Variants in ITGA7 observed in about 807,000 individuals in gnomAD.
ITGA7 encodes the protein integrin alpha-7.
Under a neutral mutation model 131.6 loss-of-function variants are expected in ITGA7, and 84 were observed. The ratio of observed to expected loss-of-function variants is 0.64; its 90% CI spans 0.54 to 0.77. The LOEUF is 0.77. Ranked by LOEUF, ITGA7 falls within the 30% of genes least tolerant of loss-of-function variation. The pLI, the probability that ITGA7 is intolerant of heterozygous loss-of-function variation, is 0.00. For missense variants in ITGA7, 1,399 were observed against 1,482.9 expected, an observed-to-expected ratio of 0.94 and a Z score of 0.93; for synonymous variants, 548 against 600.7, an observed-to-expected ratio of 0.91 and a Z score of 1.28.
At position 55,697,524 on chromosome 12, in the gene ITGA7, A is replaced by C; in HGVS notation, c.1432T>G (p.Ser478Ala). Residue 478 changes from serine (S) to alanine (A), a missense_variant, in exon 10 of 25, where the codon TCC (serine) becomes GCC (alanine). Physicochemically the swap from Ser to Ala is moderately conservative, Grantham distance 99 (BLOSUM62 1). Coordinates refer to ENST00000257879, the MANE Select transcript of ITGA7 (RefSeq NM_002206.3). ...CGTGGAGCAATAGAGACCTCATGGG[A>C]GACATGGAGGATGGGTCTGGCCCTG... ...LFRARPILHVSHEVSIAPRSI... is the reference protein window; with the variant it reads ...LFRARPILHVAHEVSIAPRSI... 1 of 1,613,996 alleles carries C rather than the reference A, an allele frequency of 6.2e-7. No homozygotes were observed. Among genetic ancestry groups the C allele is most frequent in the South Asian group, 1.1e-5 (1 of 91,082 alleles).
chr12:55,703,153 G>A lies in ITGA7; in HGVS notation c.232C>T (p.Leu78=). The A allele has an allele frequency of 6.2e-7, 1 of 1,611,900 alleles. No homozygotes were observed. Among genetic ancestry groups the A allele is most frequent in the Non-Finnish European group, 8.5e-7 (1 of 1,179,978 alleles). ...TTCGCCTGCTGCCCAGGAAGAGCCAGGGCCTGGGGAGCACCCACCAGCAGC... is the reference window on the plus strand; with the variant it reads ...TTCGCCTGCTGCCCAGGAAGAGCCAAGGCCTGGGGAGCACCCACCAGCAGC... The part of the protein sequence containing the change: ...SWLLVGAPQA[L]ALPGQQANRT... Residue 78 remains leucine (L), a synonymous_variant, in exon 2 of 25, where the codon CTG becomes TTG. Coordinates refer to ENST00000257879, the MANE Select transcript of ITGA7 (RefSeq NM_002206.3).
At position 55,698,452 on chromosome 12, in the gene ITGA7, C is replaced by T. The variant is rs529805698; in HGVS notation, c.1123G>A (p.Gly375Ser). The T allele has an allele frequency of 5.0e-6, 8 of 1,613,570 alleles. No individual in the cohort carries two copies. Among genetic ancestry groups the T allele is most frequent in the East Asian group, 4.5e-5 (2 of 44,844 alleles). ...WAGISPLRLC[G>S]SPDSMFGISL... is the part of the protein sequence containing the mutation. Reference sequence around the variant, plus strand: ...ATCCCGAACATGGAGTCAGGGGAGCCGCAGAGCCGGAGAGGGGAGATCCCA... The same window carrying T: ...ATCCCGAACATGGAGTCAGGGGAGCTGCAGAGCCGGAGAGGGGAGATCCCA... The change falls in exon 7 of 25, where the codon GGC becomes AGC. Residue 375 changes from glycine (G) to serine (S), a missense_variant. Transcript: ENST00000257879.
intron 3 of ITGA7, among the ~76,000 whole-genome samples, chr12:55,702,028 G>T (rs1038346904): frequency 1.3e-5 from 2 of 152,036 alleles, no homozygotes; most frequent in African/African-American, 4.8e-5. Flanking sequence ...TGTTTGGTTG[G>T]TTTTGAGACG....
chr12:55,692,710 GCAC>G, intron 21 of ITGA7, 131 bp downstream of exon 21: 1 of 1,175,964 alleles, frequency 8.5e-7, no homozygotes, highest in Non-Finnish European at 1.2e-6. Flanking sequence ...TGCCTCCCGG[GCAC>G]CCCCTCCTAT....
rs577150899 is a variant in ITGA7, at chr12:55,697,735, G to C, written c.1369C>G (p.Leu457Val). 3 of 1,614,154 alleles carry C rather than the reference G, an allele frequency of 1.9e-6. No individual in the cohort carries two copies. Among genetic ancestry groups the C allele is most frequent in the South Asian group, 2.2e-5 (2 of 91,082 alleles). Residue 457 changes from leucine (L) to valine (V), a missense_variant, in exon 9 of 25, where the codon CTG becomes GTG. Physicochemically the swap from Leu to Val is conservative, Grantham distance 32. Coordinates refer to ENST00000257879, the MANE Select transcript of ITGA7 (RefSeq NM_002206.3). ...LDMDGNQYPD[L>V]LVGSLADTAV... ...GTGTCAGCCAGGGAGCCCACCAGCA[G>C]GTCAGGGTATTGGTTCCCATCCATA...
intron 3 of ITGA7, among the ~76,000 whole-genome samples, chr12:55,701,867 T>C (rs374664887): frequency 6.6e-6 from 1 of 152,220 alleles, no homozygotes; most frequent in Non-Finnish European, 1.5e-5. Context: ...ACTCCTCCTT[T>C]GGACTTTTAT....
At chr12:55,713,399 G>T (rs1033995541), upstream of ITGA7, among the ~76,000 whole-genome samples, 1 of 152,196 alleles carries the variant, frequency 6.6e-6, no homozygotes, top group African/African-American at 2.4e-5. Context: ...AGTGCTCTGG[G>T]TCTACCCTCC....
Position 55,698,560 on chromosome 12 carries a change from C to T in ITGA7, c.1015G>A (p.Val339Met), listed in dbSNP as rs1231175757. Residue 339 changes from valine to methionine, a missense_variant, in exon 7 of 25, where the codon GTG becomes ATG. By Grantham distance (21) the Val-to-Met change is conservative. Coordinates refer to ENST00000257879, the MANE Select transcript of ITGA7 (RefSeq NM_002206.3). ...LNSDGWPDLI[V>M]GAPYFFERQE... ...CGCTCAAAGAAGTAGGGGGCACCCA[C>T]TATCAGGTCTGGCCAGCTATGGAGA... is the stretch of plus-strand genomic sequence containing the variant. The T allele has an allele frequency of 6.2e-7, 1 of 1,614,174 alleles. No homozygotes were observed. The highest frequency in any genetic ancestry group is 1.7e-5 in the Admixed American group (1 of 60,022).
chr12:55,713,500 T>C (rs762974119), upstream of ITGA7, among the ~76,000 whole-genome samples: 2 of 152,366 alleles, frequency 1.3e-5, no homozygotes, highest in Non-Finnish European at 2.9e-5. Context: ...GCTCTACCAC[T>C]AATGAACTCT....
chr12:55,700,250 A>G (rs1342094403), intron 4 of ITGA7: 1 of 1,597,366 alleles, frequency 6.3e-7, no homozygotes, highest in East Asian at 2.2e-5. Context: ...TGGGCCGGGG[A>G]GAGGTCCCTA....
At chr12:55,707,994 C>G, upstream of ITGA7, 2 of 1,251,364 alleles carry the variant, frequency 1.6e-6, no homozygotes, top group Non-Finnish European at 2.0e-6. Flanking sequence ...GACCCAAGCC[C>G]GTCTCCAAGG....
chr12:55,708,667 T>G (rs1875722815), upstream of ITGA7, among the ~76,000 whole-genome samples: 1 of 151,596 alleles, frequency 6.6e-6, no homozygotes, highest in African/African-American at 2.4e-5. Context: ...AATTAAGCAG[T>G]GGGGAGGGGA....
rs368130279 is a variant in ITGA7 at position 55,701,052 on chromosome 12, G to C, written c.517C>G (p.Arg173Gly). The change falls in exon 4 of 25, where the codon CGG (arginine) becomes GGG (glycine). Residue 173 changes from arginine (R) to glycine (G), a missense_variant. Coordinates refer to ENST00000257879, the MANE Select transcript of ITGA7 (RefSeq NM_002206.3). ...CATTCCCCACCATCCAACTCATCCC[G>C]GATGGCCAGGTCCTGGCTGAGCACA... ...CFVLSQDLAI[R>G]DELDGGEWKF... is the part of the protein sequence containing the mutation. 4 of 1,614,198 alleles carry C rather than the reference G, an allele frequency of 2.5e-6. No homozygotes were observed. Among genetic ancestry groups the C allele is most frequent in the Non-Finnish European group, 3.4e-6 (4 of 1,180,030 alleles).
rs765699625 is a variant in ITGA7, at chr12:55,707,692, C to A, written c.-10G>T. On this transcript the variant is annotated 5_prime_UTR_variant, in exon 1 of 25. Coordinates refer to ENST00000257879, the MANE Select transcript of ITGA7 (RefSeq NM_002206.3). Reference sequence around the variant, plus strand: ...TCCGAGCCCCGGCCATGGGACGATCCCTGCGCGAGCTCCCAGCGAATGCAA... The same window carrying A: ...TCCGAGCCCCGGCCATGGGACGATCACTGCGCGAGCTCCCAGCGAATGCAA... 9.0e-6 allele frequency: 14 copies of A among 1,562,762 alleles called. No individual in the cohort carries two copies. The highest frequency in any genetic ancestry group is 1.7e-4 in the Middle Eastern group (1 of 6,018).
In ITGA7 at chr12:55,707,674, C is replaced by T; in HGVS notation, c.9G>A (p.Gly3=). The T allele has an allele frequency of 6.3e-7, 1 of 1,575,384 alleles. No individual in the cohort carries two copies. The highest frequency in any genetic ancestry group is 8.6e-7 in the Non-Finnish European group (1 of 1,160,246). ...CCCCCCAAGGGTCGCGGCTCCGAGC[C>T]CCGGCCATGGGACGATCCCTGCGCG... MA[G]ARSRDPWGAS... The change falls in exon 1 of 25, where the codon GGG becomes GGA. Residue 3 remains glycine, a synonymous_variant. Coordinates refer to ENST00000257879, the MANE Select transcript of ITGA7 (RefSeq NM_002206.3).
chr12:55,693,795 C>T (rs1018919690), intron 19 of ITGA7, among the ~76,000 whole-genome samples: 1 of 152,120 alleles, frequency 6.6e-6, no homozygotes, highest in South Asian at 2.1e-4. Flanking sequence ...CTCTCATGGC[C>T]TACCACACCA....
chr12:55,693,994 TGGA>T (rs766507562), intron 19 of ITGA7, 24 bp downstream of exon 19: 1 of 1,571,112 alleles, frequency 6.4e-7, no homozygotes, highest in Non-Finnish European at 8.7e-7. Flanking sequence ...AGGGTGACCA[TGGA>T]GGGGCCTCAT....
chr12:55,695,029 G>A (rs1173319646), intron 14 of ITGA7, 59 bp from the exon 15 acceptor site: 180 of 1,509,214 alleles, frequency 1.2e-4, no homozygotes, highest in Middle Eastern at 1.7e-4. Flanking sequence ...CCATTCCCCC[G>A]CCCAGTCTGC....
intron 20 of ITGA7, 53 bp from the exon 21 acceptor site, chr12:55,693,028 A>G: frequency 1.2e-6 from 2 of 1,613,564 alleles, no homozygotes; most frequent in Non-Finnish European, 1.7e-6. Context: ...CAGCAGTGCT[A>G]AGATCGAATC....
Sources: gnomAD v4.1 joint callset for allele counts (sites outside exome capture counted in the v4.1 genomes callset) on GRCh38, gnomAD v4.1.1 for gene constraint, MANE v1.5 for transcripts, NCBI Gene and HGNC (gene_info 2026-07-23, HGNC 2026-07-21) for gene names.